The following TPRG1 variants were observed in gnomAD, a reference collection of about 807,000 sequenced individuals.
TPRG1 encodes the protein tumor protein p63 regulated 1, also known as tumor protein p63-regulated gene 1 protein.
TPRG1 carries 29 observed loss-of-function variants against 29.3 expected under a neutral mutation model. The observed-to-expected ratio is 0.99, with a 90% CI of 0.74 to 1.35. The LOEUF is 1.35. TPRG1 is among the 40% of genes most tolerant of loss of function. TPRG1 has a pLI of 0.00. For missense variants in TPRG1, 327 were observed against 335.0 expected (o/e 0.98, Z 0.19); for synonymous variants, 130 against 116.8 (o/e 1.11, Z -0.73).
At chr3:189,294,302 G>A (rs999820465) in intron 4 of TPRG1, among the ~76,000 whole-genome samples, 1 of 152,116 alleles carries the variant, frequency 6.6e-6, no homozygotes, top group East Asian at 1.9e-4. Flanking sequence ...ATGGGGAAGT[G>A]GGGGAGGAAA....
intron 4 of TPRG1, among the ~76,000 whole-genome samples, chr3:189,034,722 C>T (rs528194800): frequency 6.6e-6 from 1 of 152,104 alleles, no homozygotes; most frequent in East Asian, 1.9e-4. Flanking sequence ...ATACATTTTC[C>T]ACTGAAGAAG....
At chr3:189,174,996 A>G (rs1286034736) in intron 1 of TPRG1, among the ~76,000 whole-genome samples, 2 of 152,192 alleles carry the variant, frequency 1.3e-5, no homozygotes, top group Non-Finnish European at 2.9e-5. Flanking sequence ...TTATTCACCC[A>G]CTAATATAAT....
At chr3:189,251,798 G>C (rs1032647154) in intron 4 of TPRG1, among the ~76,000 whole-genome samples, 4 of 152,144 alleles carry the variant, frequency 2.6e-5, no homozygotes, top group African/African-American at 4.8e-5. Flanking sequence ...ACATACAATC[G>C]GGTTTTATAC....
intron 5 of TPRG1, 49 bp from the exon 6 acceptor site, chr3:189,320,577 A>C (rs753554299): frequency 1.3e-6 from 2 of 1,514,234 alleles, no homozygotes; most frequent in Non-Finnish European, 1.8e-6. Flanking sequence ...AGTATCTCTC[A>C]ACTTAATCTA....
rs550387176 is a variant in TPRG1 at position 189,143,251 on chromosome 3, G to T, written c.-290-4333G>T. 6.6e-5 allele frequency among the ~76,000 whole-genome samples: 10 copies of T among 152,260 alleles called. No homozygotes were observed. In the South Asian group the frequency reaches 2.1e-3, roughly 32 times the overall value. ...CACTGAAACAAAGTAGGAGCCGCTG[G>T]TAATATCTCCATTCTCCAGATGAGG... On this transcript the variant is annotated intron_variant, in intron 3 of 6. Coordinates refer to the TPRG1 transcript ENST00000412373.
rs180910949 is a variant in TPRG1, at chr3:189,132,364, G to A, written c.-589-35G>A. ...ATTCCTGGGCGTTAGCTGAAAGCGT[G>A]TTTGATCGCGTGCTTTCTCTCTCTC... On this transcript the variant is annotated intron_variant, in intron 2 of 6. Coordinates refer to the TPRG1 transcript ENST00000412373. 6.6e-5 allele frequency: 10 copies of A among 152,372 alleles called. No individual in the cohort carries two copies. In the East Asian group the frequency reaches 1.9e-3, roughly 29 times the overall value. The allele number at this position is 152,372 out of a possible 1,614,324, so 9.4% of individuals were successfully genotyped here.
In TPRG1 at chr3:189,207,606, G is replaced by C. The variant is rs1356126409; in HGVS notation, c.210+12G>C. ...ACTTTGCTACACGGGTAAATTTATT[G>C]GTTCTCTTAAATACTATATAAAAAT... is the stretch of plus-strand genomic sequence containing the variant. On this transcript the variant is annotated intron_variant, in intron 2 of 5. Transcript: ENST00000345063. 8 of 1,612,358 alleles carry C rather than the reference G, an allele frequency of 5.0e-6. No individual in the cohort carries two copies. Among genetic ancestry groups the C allele is most frequent in the Non-Finnish European group, 6.8e-6 (8 of 1,179,042 alleles).
At chr3:189,270,023 T>C (rs1482532783) in intron 4 of TPRG1, among the ~76,000 whole-genome samples, 1 of 76,624 alleles carries the variant, frequency 1.3e-5, no homozygotes, top group Non-Finnish European at 2.3e-5. Flanking sequence ...CTGGATCTTC[T>C]TCTTCTTCTT....
intron 4 of TPRG1, among the ~76,000 whole-genome samples, chr3:189,090,833 TG>T (rs1350055761): frequency 1.3e-5 from 2 of 152,120 alleles, no homozygotes; most frequent in Non-Finnish European, 2.9e-5. Flanking sequence ...TCTTTGTCTC[TG>T]ACTTATAATA....
chr3:189,096,229 C>G (rs1338804040), upstream of TPRG1, among the ~76,000 whole-genome samples: 1 of 152,196 alleles, frequency 6.6e-6, no homozygotes, highest in Non-Finnish European at 1.5e-5. Flanking sequence ...GGGGCTCTTC[C>G]CCCTGCTTGG....
chr3:189,078,134 TTTCC>T (rs1717346311), intron 4 of TPRG1, among the ~76,000 whole-genome samples: 1 of 129,456 alleles, frequency 7.7e-6, no homozygotes, highest in Admixed American at 8.0e-5. Flanking sequence ...TCTTTCTTTC[TTTCC>T]TTTCTTTTTT....
intron 5 of TPRG1, among the ~76,000 whole-genome samples, chr3:189,313,954 T>G (rs1560692328): frequency 6.6e-6 from 1 of 152,126 alleles, no homozygotes; most frequent in Non-Finnish European, 1.5e-5. Context: ...TATAATGGCT[T>G]AGATAATAGA....
intron 1 of TPRG1, among the ~76,000 whole-genome samples, chr3:189,188,229 G>GT (rs1275260426): frequency 6.6e-6 from 1 of 152,020 alleles, no homozygotes; most frequent in African/African-American, 2.4e-5. Flanking sequence ...GTTAACAGAC[G>GT]TGAGTACCTT....
intron 4 of TPRG1, among the ~76,000 whole-genome samples, chr3:189,266,722 A>G (rs1290034815): frequency 6.7e-6 from 1 of 149,490 alleles, no homozygotes; most frequent in Non-Finnish European, 1.5e-5. Flanking sequence ...TAAAACACCT[A>G]TGGTTATATT....
intron 5 of TPRG1, among the ~76,000 whole-genome samples, chr3:189,311,211 C>T: frequency 6.6e-6 from 1 of 152,150 alleles, no homozygotes; most frequent in East Asian, 1.9e-4. Flanking sequence ...ACAGCTGGAG[C>T]TGAAAATGTA....
chr3:189,315,125 T>C (rs1271249690), intron 5 of TPRG1, among the ~76,000 whole-genome samples: 5 of 152,042 alleles, frequency 3.3e-5, no homozygotes, highest in Non-Finnish European at 5.9e-5. Context: ...TACCATTGCA[T>C]TCCAACCTAG....
intron 5 of TPRG1, among the ~76,000 whole-genome samples, chr3:189,318,038 G>GAT (rs1368863942): frequency 6.6e-6 from 1 of 152,138 alleles, no homozygotes; most frequent in Non-Finnish European, 1.5e-5. Context: ...ATGCAAGGAT[G>GAT]ATATATACAG....
chr3:189,109,013 C>T lies in TPRG1; in HGVS notation c.-744+8809C>T, dbSNP rs60180989. On this transcript the variant is annotated intron_variant, in intron 1 of 6. Coordinates refer to the TPRG1 transcript ENST00000412373. ...TTTCTGACATTTGTCATGAAGAAGCCTAAGCCCTCAGGGGAACTTAGAGAG... is the reference window on the plus strand; with the variant it reads ...TTTCTGACATTTGTCATGAAGAAGCTTAAGCCCTCAGGGGAACTTAGAGAG... 1.8e-3 allele frequency among the ~76,000 whole-genome samples: 267 copies of T among 152,056 alleles called. 1 individual carries two copies. The highest frequency in any genetic ancestry group is 6.3e-3 in the African/African-American group (262 of 41,480).
chr3:189,124,658 G>A (rs929183292), intron 1 of TPRG1, among the ~76,000 whole-genome samples: 1 of 151,986 alleles, frequency 6.6e-6, no homozygotes, highest in Admixed American at 6.6e-5. Context: ...AGGAGGCAAT[G>A]TCCTCTCCAC....
Sources: gnomAD v4.1 joint callset for allele counts (sites outside exome capture counted in the v4.1 genomes callset) on GRCh38, gnomAD v4.1.1 for gene constraint, MANE v1.5 for transcripts, NCBI Gene and HGNC (gene_info 2026-07-23, HGNC 2026-07-21) for gene names.